SPTAN1: variants seen among roughly 807,000 people sequenced by gnomAD.
SPTAN1 encodes the protein spectrin alpha, non-erythrocytic 1, also known as spectrin alpha chain, non-erythrocytic 1.
In SPTAN1, 61 loss-of-function variants were observed where a neutral mutation model predicts 331.3. The observed-to-expected ratio is 0.18, with a 90% CI of 0.15 to 0.23. The LOEUF is 0.23. SPTAN1 is among the 10% of genes least tolerant of loss of function. SPTAN1 has a pLI of 1.00. For synonymous variants in SPTAN1, 1,153 were observed against 1,173.9 expected (o/e 0.98, Z 0.36); for missense variants, 2,043 against 3,147.9 (o/e 0.65, Z 8.40).
Position 128,633,300 on chromosome 9 carries a change from A to G in SPTAN1, c.7400A>G (p.Tyr2467Cys). The G allele has an allele frequency of 6.2e-7, 1 of 1,613,996 alleles. No individual in the cohort carries two copies. Among genetic ancestry groups the G allele is most frequent in the South Asian group, 1.1e-5 (1 of 91,080 alleles). ...CGCGAGCTCCCCACCGCGTTCGACT[A>G]CGTGGAGTTCACCCGCTCGCTTTTC... Reference protein sequence around the residue: ...KGRELPTAFDYVEFTRSLFVN With the variant: ...KGRELPTAFDCVEFTRSLFVN Residue 2467 changes from tyrosine to cysteine, a missense_variant, in exon 57 of 57, where the codon TAC becomes TGC. Physicochemically the swap from Tyr to Cys is radical, Grantham distance 194 (BLOSUM62 -2). Around this residue, in one of 12 missense-constraint regions of SPTAN1, gnomAD observed 88 missense variants for 96.5 expected, o/e 0.91. Coordinates refer to ENST00000372739, the MANE Select transcript of SPTAN1 (RefSeq NM_001130438.3).
intron 3 of SPTAN1, among the ~76,000 whole-genome samples, chr9:128,570,693 G>A (rs1850610222): frequency 6.6e-6 from 1 of 150,576 alleles, no homozygotes; most frequent in South Asian, 2.1e-4. Flanking sequence ...TTTTGCTCTT[G>A]TTGCCCCGGC....
chr9:128,583,337 T>C, intron 15 of SPTAN1, 56 bp downstream of exon 15: 1 of 1,547,546 alleles, frequency 6.5e-7, no homozygotes, highest in South Asian at 1.2e-5. Flanking sequence ...AAATACCCCT[T>C]TCTATTAAGT....
Position 128,633,339 on chromosome 9 carries a change from C to T in SPTAN1, c.*5C>T. 1 of 1,613,770 alleles carries T rather than the reference C, an allele frequency of 6.2e-7. No individual in the cohort carries two copies. Among genetic ancestry groups the T allele is most frequent in the Admixed American group, 1.7e-5 (1 of 60,014 alleles). On this transcript the variant is annotated 3_prime_UTR_variant, in exon 57 of 57. Transcript: ENST00000372739. The stretch of plus-strand genomic sequence containing the variant: ...CGCTCGCTTTTCGTGAACTGAGCCA[C>T]TCCCTGGGTCACCCACCCCTCGCTG...
Position 128,565,567 on chromosome 9 carries a change from G to C in SPTAN1, c.-3-1171G>C, listed in dbSNP as rs575384807. ...TTCCTACCACCAATGAGAACTGCTTGAATCCCTACAGAGCTGGGGCACTAG... is the reference window on the plus strand; with the variant it reads ...TTCCTACCACCAATGAGAACTGCTTCAATCCCTACAGAGCTGGGGCACTAG... On this transcript the variant is annotated intron_variant, in intron 1 of 56. Transcript: ENST00000372739. 2.6e-5 allele frequency among the ~76,000 whole-genome samples: 4 copies of C among 152,292 alleles called. No homozygotes were observed. In the East Asian group the frequency reaches 7.7e-4, roughly 29 times the overall value.
chr9:128,630,339 G>C lies in SPTAN1; in HGVS notation c.6726G>C (p.Glu2242Asp), dbSNP rs745750589. Residue 2242 changes from glutamate to aspartate, a missense_variant, in exon 52 of 57, where the codon GAG becomes GAC. Glu to Asp is a conservative substitution (Grantham distance 45). Transcript: ENST00000372739. ...CGTTTAGGTCCTGTATGGTGGAAGA[G>C]TCGGGGACCCTCGAATCCCAGCTTG... ...YLLDGSCMVE[E>D]SGTLESQLEA... The C allele has an allele frequency of 6.2e-7, 1 of 1,613,086 alleles. No individual in the cohort carries two copies. Among genetic ancestry groups the C allele is most frequent in the East Asian group, 2.2e-5 (1 of 44,868 alleles).
chr9:128,590,811 A>T (rs1853389225), intron 21 of SPTAN1, among the ~76,000 whole-genome samples: 1 of 151,974 alleles, frequency 6.6e-6, no homozygotes, highest in Admixed American at 6.6e-5. Context: ...AGATCGTGCC[A>T]CTGCACTCCA....
intron 2 of SPTAN1, among the ~76,000 whole-genome samples, chr9:128,567,366 A>C (rs888918060): frequency 2.4e-4 from 37 of 152,174 alleles, no homozygotes; most frequent in African/African-American, 8.2e-4. Flanking sequence ...ATCTTGGCTT[A>C]CTGCAACCTC....
chr9:128,557,938 G>C (rs1042088356), intron 1 of SPTAN1, among the ~76,000 whole-genome samples: 1 of 151,706 alleles, frequency 6.6e-6, no homozygotes, highest in African/African-American at 2.4e-5. Context: ...CGAATAGCTG[G>C]GACTACAGGT....
At chr9:128,628,228 C>A in intron 51 of SPTAN1, 1 of 591,884 alleles carries the variant, frequency 1.7e-6, no homozygotes. Flanking sequence ...GCACGAAGGC[C>A]AGAGCTGGAG....
In SPTAN1 at chr9:128,627,394, G is replaced by A; in HGVS notation, c.6585G>A (p.Glu2195=). 1.3e-6 allele frequency: 2 copies of A among 1,551,304 alleles called. No homozygotes were observed. Among genetic ancestry groups the A allele is most frequent in the Non-Finnish European group, 1.7e-6 (2 of 1,146,968 alleles). ...RNLQKIIKER[E]LELQKEQRRQ... Reference sequence around the variant, plus strand: ...CCCCCTTTGGCCCTCAGGAGAGGGAGCTGGAGCTGCAGAAGGAACAGCGGC... The same window carrying A: ...CCCCCTTTGGCCCTCAGGAGAGGGAACTGGAGCTGCAGAAGGAACAGCGGC... The change falls in exon 50 of 57, where the codon GAG becomes GAA. Residue 2195 remains glutamate (E), a synonymous_variant. Coordinates refer to ENST00000372739, the MANE Select transcript of SPTAN1 (RefSeq NM_001130438.3). This position sits in a 1 kb window ranked among gnomAD's most constrained non-coding sequence, Gnocchi z 4.9.
chr9:128,564,493 G>A (rs1849782806), intron 1 of SPTAN1, among the ~76,000 whole-genome samples: 1 of 151,936 alleles, frequency 6.6e-6, no homozygotes, highest in Non-Finnish European at 1.5e-5. Context: ...TGAGGTGGAA[G>A]CATCACTTGA....
At chr9:128,624,190 C>T in intron 45 of SPTAN1, 138 bp from the exon 46 acceptor site, 1 of 904,642 alleles carries the variant, frequency 1.1e-6, no homozygotes, top group African/African-American at 1.6e-5. Flanking sequence ...AAAGCCTTAC[C>T]CTATCATTGT....
At chr9:128,598,707 G>A (rs887207009) in intron 25 of SPTAN1, 7 of 659,112 alleles carry the variant, frequency 1.1e-5, no homozygotes, top group South Asian at 7.1e-5. Context: ...TTGGAGGGGG[G>A]TGGGGGCTTC....
chr9:128,611,774 C>T lies in SPTAN1; in HGVS notation c.4834C>T (p.Arg1612Cys). Residue 1612 changes from arginine (R) to cysteine (C), a missense_variant, in exon 38 of 57, where the codon CGT becomes TGT. Around this residue, in one of 12 missense-constraint regions of SPTAN1, gnomAD observed 323 missense variants for 581.1 expected, o/e 0.56. Transcript: ENST00000372739. ...AELHANADRIRGVIDMGNSLI... is the reference protein window; with the variant it reads ...AELHANADRICGVIDMGNSLI... ...GCTGCATGCCAACGCTGACCGGATC[C>T]GTGGGGTTATCGACATGGGCAACTC... 2.5e-6 allele frequency: 4 copies of T among 1,614,128 alleles called. No individual in the cohort carries two copies. Among genetic ancestry groups the T allele is most frequent in the African/African-American group, 1.3e-5 (1 of 75,012 alleles).
At chr9:128,633,075 A>T in intron 56 of SPTAN1, 120 bp downstream of exon 56, 1 of 1,592,212 alleles carries the variant, frequency 6.3e-7, no homozygotes, top group Non-Finnish European at 8.6e-7. Context: ...TTACAAATCA[A>T]ACTCAGTATG....
At chr9:128,628,511 T>TA in intron 51 of SPTAN1, 1 of 290,952 alleles carries the variant, frequency 3.4e-6, no homozygotes, top group African/African-American at 2.2e-5. Flanking sequence ...CGTTATGTGA[T>TA]AGACAGGACG....
At chr9:128,553,805 C>T (rs112504385) in intron 1 of SPTAN1, among the ~76,000 whole-genome samples, 1,798 of 152,066 alleles carry the variant, frequency 0.012, 17 homozygotes, top group Middle Eastern at 0.024. Context: ...CATGGCTGTT[C>T]GGGAAGAACA....
At position 128,607,735 on chromosome 9, in the gene SPTAN1, C is replaced by T. The variant is rs199981833; in HGVS notation, c.4146+32C>T. The T allele has an allele frequency of 1.3e-3, 2,047 of 1,612,488 alleles. 4 individuals carry two copies. Among genetic ancestry groups the T allele is most frequent in the Non-Finnish European group, 1.6e-3 (1,868 of 1,178,720 alleles). On this transcript the variant is annotated intron_variant, in intron 32 of 56. Transcript: ENST00000372739. ...GGACCTGCCTGCTGAGTAGCAAAGA[C>T]GTGGCTGCTCTGCAGGGCCCTAGAG...
At chr9:128,633,051 G>C in intron 56 of SPTAN1, 96 bp downstream of exon 56, 1 of 1,594,210 alleles carries the variant, frequency 6.3e-7, no homozygotes, top group Non-Finnish European at 8.5e-7. Context: ...CCCTGCGCTG[G>C]GTATTCTCCC....
Sources: gnomAD v4.1 joint callset for allele counts (sites outside exome capture counted in the v4.1 genomes callset) on GRCh38, gnomAD v4.1.1 for gene constraint, gnomAD v4.1.1 regional missense constraint, Gnocchi (gnomAD v3.1) non-coding constraint, MANE v1.5 for transcripts, NCBI Gene and HGNC (gene_info 2026-07-23, HGNC 2026-07-21) for gene names.